SLC22A3: variants seen among roughly 807,000 people sequenced by gnomAD.
The protein encoded by SLC22A3 is EMT organic cation transporter 3.
A neutral mutation model predicts 59.1 loss-of-function variants in SLC22A3; 51 were observed. The observed-to-expected ratio is 0.86, with a 90% confidence interval of 0.69 to 1.09. SLC22A3 has a LOEUF of 1.09. Among genes scored for constraint, SLC22A3 ranks in the 50% least tolerant of loss-of-function variants. The pLI is 0.00. For synonymous variants in SLC22A3, 325 were observed against 292.0 expected (o/e 1.11, Z -1.15); for missense variants, 711 against 726.3 (o/e 0.98, Z 0.24).
At chr6:160,360,944 A>C (rs1472816167) in intron 1 of SLC22A3, among the ~76,000 whole-genome samples, 1 of 152,220 alleles carries the variant, frequency 6.6e-6, no homozygotes, top group Non-Finnish European at 1.5e-5. Context: ...GAAGCAGGTA[A>C]ATCATTCTAA....
At chr6:160,417,939 C>T (rs1209572416) in intron 5 of SLC22A3, among the ~76,000 whole-genome samples, 11 of 152,228 alleles carry the variant, frequency 7.2e-5, no homozygotes, top group African/African-American at 2.7e-4. Flanking sequence ...AGCCAGCCCA[C>T]AAACACATGA....
rs565727708 is a variant in SLC22A3, at chr6:160,450,714, A to T, written c.1611-282A>T. On this transcript the variant is annotated intron_variant, in intron 10 of 10. Coordinates refer to ENST00000275300, the MANE Select transcript of SLC22A3 (RefSeq NM_021977.4). ...AAATTATAAAAGTATTAATTTGGGG[A>T]ACTGATAAATGTCCATATCAAAATG... is the stretch of plus-strand genomic sequence containing the variant. Among the ~76,000 whole-genome samples the T allele has an allele frequency of 1.2e-4, 18 of 152,336 alleles. No individual in the cohort carries two copies. In the South Asian group the frequency reaches 2.5e-3, roughly 21 times the overall value.
chr6:160,421,277 T>C (rs913449815), intron 5 of SLC22A3, among the ~76,000 whole-genome samples: 1 of 152,208 alleles, frequency 6.6e-6, no homozygotes, highest in Non-Finnish European at 1.5e-5. Flanking sequence ...GAACAAGTCC[T>C]ATTGCTTGGT....
At chr6:160,363,095 G>T (rs2661836) in intron 1 of SLC22A3, among the ~76,000 whole-genome samples, 3 of 152,140 alleles carry the variant, frequency 2.0e-5, no homozygotes, top group Admixed American at 2.0e-4. Flanking sequence ...AATGCGCACA[G>T]TGTTGCCGAG....
chr6:160,385,033 G>A (rs1345349267), intron 1 of SLC22A3, among the ~76,000 whole-genome samples: 2 of 152,174 alleles, frequency 1.3e-5, no homozygotes, highest in Admixed American at 1.3e-4. Flanking sequence ...GCCTCCCAGT[G>A]TTCTTAAGTT....
chr6:160,432,229 T>G (rs1426793373), intron 5 of SLC22A3, among the ~76,000 whole-genome samples: 1 of 152,116 alleles, frequency 6.6e-6, no homozygotes, highest in Non-Finnish European at 1.5e-5. Context: ...GAGGATACGA[T>G]TTCCCTAAAC....
In SLC22A3 at chr6:160,410,787, C is replaced by A. The variant is rs534239898; in HGVS notation, c.916C>A (p.Gln306Lys). The A allele has an allele frequency of 6.2e-7, 1 of 1,613,356 alleles. No individual in the cohort carries two copies. Among genetic ancestry groups the A allele is most frequent in the South Asian group, 1.1e-5 (1 of 91,084 alleles). ...ITRKKGDKAL[Q>K]ILRRIAKCNG... Reference sequence around the variant, plus strand: ...TCGGAAGAAAGGAGATAAAGCATTACAGATCCTGAGACGCATTGCTAAGTG... The same window carrying A: ...TCGGAAGAAAGGAGATAAAGCATTAAAGATCCTGAGACGCATTGCTAAGTG... Residue 306 changes from glutamine to lysine, a missense_variant, in exon 5 of 11, where the codon CAG becomes AAG. Transcript: ENST00000275300.
chr6:160,412,996 T>C (rs1583490428), intron 5 of SLC22A3, among the ~76,000 whole-genome samples: 1 of 151,126 alleles, frequency 6.6e-6, no homozygotes, highest in African/African-American at 2.4e-5. Context: ...AAAATAGGCA[T>C]CTAGAAAGGA....
intron 1 of SLC22A3, 127 bp downstream of exon 1, chr6:160,348,975 C>T (rs1784571340): frequency 1.3e-6 from 2 of 1,517,872 alleles, no homozygotes; most frequent in African/African-American, 1.4e-5. Flanking sequence ...TCGGCTACCT[C>T]TGGGGACAGA....
chr6:160,424,549 A>G (rs1371246999), intron 5 of SLC22A3, among the ~76,000 whole-genome samples: 1 of 152,158 alleles, frequency 6.6e-6, no homozygotes, highest in Non-Finnish European at 1.5e-5. Context: ...AACAACTTCT[A>G]GGATCCCTTC....
In SLC22A3 at chr6:160,443,658, C is replaced by T; in HGVS notation, c.1426C>T (p.Leu476=). The T allele has an allele frequency of 6.2e-7, 1 of 1,613,948 alleles. No individual in the cohort carries two copies. ...TTTCGGAGTTTCGCTCTGTTCAGGTCTGTGTGATTTTGGGGGAATCATAGC... is the reference window on the plus strand; with the variant it reads ...TTTCGGAGTTTCGCTCTGTTCAGGTTTGTGTGATTTTGGGGGAATCATAGC... ...RNFGVSLCSG[L]CDFGGIIAPF... The change falls in exon 9 of 11, where the codon CTG becomes TTG. Residue 476 remains leucine (L), a synonymous_variant. Coordinates refer to ENST00000275300, the MANE Select transcript of SLC22A3 (RefSeq NM_021977.4).
At chr6:160,413,879 T>C (rs895517079) in intron 5 of SLC22A3, among the ~76,000 whole-genome samples, 6 of 152,230 alleles carry the variant, frequency 3.9e-5, no homozygotes, top group Non-Finnish European at 7.3e-5. Flanking sequence ...AGACTCCTCC[T>C]GAAGTTATGG....
At chr6:160,387,712 G>A (rs930389418) in intron 1 of SLC22A3, among the ~76,000 whole-genome samples, 1 of 152,018 alleles carries the variant, frequency 6.6e-6, no homozygotes, top group Non-Finnish European at 1.5e-5. Flanking sequence ...TTTGGATCTC[G>A]TATCTTCAGA....
chr6:160,443,628 A>G lies in SLC22A3; in HGVS notation c.1398-2A>G. 1.2e-6 allele frequency: 2 copies of G among 1,602,310 alleles called. No individual in the cohort carries two copies. The highest frequency in any genetic ancestry group is 1.7e-6 in the Non-Finnish European group (2 of 1,169,350). On this transcript the variant is annotated splice_acceptor_variant, in intron 8 of 10. Coordinates refer to ENST00000275300, the MANE Select transcript of SLC22A3 (RefSeq NM_021977.4). LOFTEE classifies it high-confidence loss of function. ...CACTTAAAATTACTTTTCATTCAACAGAAATTTCGGAGTTTCGCTCTGTTC... is the reference window on the plus strand; with the variant it reads ...CACTTAAAATTACTTTTCATTCAACGGAAATTTCGGAGTTTCGCTCTGTTC...
chr6:160,421,646 C>G (rs946759419), intron 5 of SLC22A3, among the ~76,000 whole-genome samples: 5 of 152,218 alleles, frequency 3.3e-5, no homozygotes, highest in African/African-American at 1.2e-4. Context: ...TCATCAGCCA[C>G]ACGGGCTTGT....
rs1395776132 is a variant in SLC22A3 at position 160,436,983 on chromosome 6, C to T, written c.1074-14C>T. Reference sequence around the variant, plus strand: ...CTCTTACTTGTTCTCTGGTGTCTTTCAATGTTGCTACAGGTTCACAAGCGC... The same window carrying T: ...CTCTTACTTGTTCTCTGGTGTCTTTTAATGTTGCTACAGGTTCACAAGCGC... On this transcript the variant is annotated splice_polypyrimidine_tract_variant and intron_variant, in intron 6 of 10. Transcript: ENST00000275300. The T allele has an allele frequency of 3.7e-6, 6 of 1,613,938 alleles. No individual in the cohort carries two copies.
intron 5 of SLC22A3, among the ~76,000 whole-genome samples, chr6:160,431,565 GTAT>G (rs937477795): frequency 3.3e-5 from 5 of 151,860 alleles, no homozygotes; most frequent in Non-Finnish European, 5.9e-5. Context: ...TCAACACCTC[GTAT>G]TTTTTTTTTG....
intron 5 of SLC22A3, among the ~76,000 whole-genome samples, chr6:160,418,468 G>A (rs920023639): frequency 2.0e-5 from 3 of 152,148 alleles, no homozygotes; most frequent in Admixed American, 6.5e-5. Context: ...CCTATCGTGG[G>A]ACTTCACCTT....
At chr6:160,450,373 C>T (rs527327824) in intron 10 of SLC22A3, among the ~76,000 whole-genome samples, 18 of 152,276 alleles carry the variant, frequency 1.2e-4, no homozygotes, top group African/African-American at 2.6e-4. Context: ...GTATTCTGCC[C>T]GATCCCACAA....
Sources: gnomAD v4.1 joint callset for allele counts (sites outside exome capture counted in the v4.1 genomes callset) on GRCh38, gnomAD v4.1.1 for gene constraint, MANE v1.5 for transcripts, NCBI Gene and HGNC (gene_info 2026-07-23, HGNC 2026-07-21) for gene names.